FHIT: variants seen among roughly 807,000 people sequenced by gnomAD.
FHIT encodes the protein bis(5'-adenosyl)-triphosphatase.
Under a neutral mutation model 17.9 loss-of-function variants are expected in FHIT, and 19 were observed. That is an observed-to-expected ratio of 1.06 (90% CI 0.74 to 1.56). The LOEUF is 1.56. FHIT is among the 40% of genes most tolerant of loss of function. The pLI is 0.00. For synonymous variants in FHIT, 81 were observed against 69.7 expected, an observed-to-expected ratio of 1.16 and a Z score of -0.81; for missense variants, 248 against 189.2, an observed-to-expected ratio of 1.31 and a Z score of -1.82.
In FHIT at chr3:60,384,125, G is replaced by A. The variant is rs373573736; in HGVS notation, c.103+152735C>T. Among the ~76,000 whole-genome samples the A allele has an allele frequency of 7.2e-5, 11 of 152,128 alleles. 1 individual carries two copies. In the South Asian group the frequency reaches 8.3e-4, roughly 12 times the overall value. On this transcript the variant is annotated intron_variant, in intron 5 of 9. Transcript: ENST00000492590. ...GCTACTAAAATACAAAAAATTAGAC[G>A]AGTGTGGTGCTGCGTGCCTATAATC... is the stretch of plus-strand genomic sequence containing the variant.
intron 3 of FHIT, among the ~76,000 whole-genome samples, chr3:60,852,712 A>G (rs1703202867): frequency 6.6e-6 from 1 of 152,066 alleles, no homozygotes; most frequent in African/African-American, 2.4e-5. Context: ...AATGCCAAAT[A>G]TAAGGCAGTC....
chr3:60,542,915 G>A (rs1264529592), intron 4 of FHIT, among the ~76,000 whole-genome samples: 10 of 151,866 alleles, frequency 6.6e-5, no homozygotes, highest in Non-Finnish European at 1.3e-4. Context: ...ATTCCACTTG[G>A]AACTTTGTTT....
At chr3:60,945,115 T>C (rs1360627136) in intron 3 of FHIT, among the ~76,000 whole-genome samples, 4 of 151,904 alleles carry the variant, frequency 2.6e-5, no homozygotes, top group African/African-American at 9.7e-5. Context: ...GGCAAGATGA[T>C]CAAGGGAGGA....
intron 5 of FHIT, among the ~76,000 whole-genome samples, chr3:60,161,293 C>G (rs1466053503): frequency 6.6e-6 from 1 of 152,196 alleles, no homozygotes; most frequent in South Asian, 2.1e-4. Flanking sequence ...ATGGGCATCA[C>G]GAAGCTTGTA....
At chr3:60,425,041 A>G (rs1282991327) in intron 5 of FHIT, among the ~76,000 whole-genome samples, 1 of 152,126 alleles carries the variant, frequency 6.6e-6, no homozygotes, top group Non-Finnish European at 1.5e-5. Flanking sequence ...AGACACAGGT[A>G]GGCAAGTAAA....
At chr3:60,913,476 A>G (rs958123398) in intron 3 of FHIT, among the ~76,000 whole-genome samples, 7 of 152,318 alleles carry the variant, frequency 4.6e-5, no homozygotes, top group Middle Eastern at 3.4e-3. Context: ...CAGAATTATA[A>G]TAAGATCTCC....
chr3:60,071,909 T>C (rs994733522), intron 5 of FHIT, among the ~76,000 whole-genome samples: 2 of 152,166 alleles, frequency 1.3e-5, no homozygotes, highest in Admixed American at 1.3e-4. Flanking sequence ...ACAAGCCCTC[T>C]TGCCTGCCAC....
intron 8 of FHIT, among the ~76,000 whole-genome samples, chr3:59,850,205 T>A (rs1167320831): frequency 5.9e-5 from 9 of 152,202 alleles, no homozygotes; most frequent in Non-Finnish European, 1.3e-4. Context: ...ATGCTGGATT[T>A]AAAATCTAAG....
intron 4 of FHIT, among the ~76,000 whole-genome samples, chr3:60,742,828 G>C (rs1263741705): frequency 6.6e-6 from 1 of 152,178 alleles, no homozygotes; most frequent in East Asian, 1.9e-4. Flanking sequence ...AGTATACCAT[G>C]ACAATCACAA....
chr3:59,756,207 G>A (rs1036768077), intron 8 of FHIT, among the ~76,000 whole-genome samples: 5 of 147,212 alleles, frequency 3.4e-5, no homozygotes, highest in African/African-American at 5.1e-5. Flanking sequence ...TGTATCTTTT[G>A]GACCTAACTA....
chr3:60,156,439 T>C (rs565156959), intron 5 of FHIT, among the ~76,000 whole-genome samples: 2 of 151,020 alleles, frequency 1.3e-5, no homozygotes, highest in African/African-American at 4.9e-5. Context: ...GGAGATACAA[T>C]CCTAAAAAAT....
At chr3:61,171,895 A>C (rs1364287925) in intron 2 of FHIT, among the ~76,000 whole-genome samples, 2 of 152,224 alleles carry the variant, frequency 1.3e-5, no homozygotes, top group African/African-American at 4.8e-5. Context: ...GTGTGTGAAA[A>C]CATAACTACT....
chr3:60,321,822 G>C (rs1709444812), intron 5 of FHIT, among the ~76,000 whole-genome samples: 1 of 152,224 alleles, frequency 6.6e-6, no homozygotes, highest in Admixed American at 6.5e-5. Flanking sequence ...TCTGCTTTAA[G>C]ATGGCGCCTT....
intron 5 of FHIT, among the ~76,000 whole-genome samples, chr3:60,434,377 ACT>A (rs1434060627): frequency 2.0e-5 from 3 of 151,996 alleles, no homozygotes; most frequent in African/African-American, 7.2e-5. Flanking sequence ...AAAAAGTACA[ACT>A]CTGTCTTTCT....
chr3:60,882,173 C>T (rs1490262951), intron 3 of FHIT, among the ~76,000 whole-genome samples: 1 of 151,944 alleles, frequency 6.6e-6, no homozygotes, highest in Non-Finnish European at 1.5e-5. Context: ...CAAGATTGAA[C>T]CTAGAAGAAA....
In FHIT at chr3:60,534,310, G is replaced by A. The variant is rs2035897928; in HGVS notation, c.103+2550C>T. On this transcript the variant is annotated intron_variant, in intron 5 of 9. Coordinates refer to ENST00000492590, the MANE Select transcript of FHIT (RefSeq NM_002012.4). ...TAGCCGGGCGCGGTGGCGGGCGCCT[G>A]TAGTCCCAGCTACTCGGGAGGCTGA... Among the ~76,000 whole-genome samples the A allele has an allele frequency of 4.7e-5, 7 of 149,814 alleles. No homozygotes were observed. The South Asian group carries it at 1.5e-3, about 32-fold the overall frequency.
intron 4 of FHIT, among the ~76,000 whole-genome samples, chr3:60,645,095 T>C (rs1231951924): frequency 1.3e-5 from 2 of 152,130 alleles, no homozygotes; most frequent in Non-Finnish European, 2.9e-5. Flanking sequence ...CCCCAGGTCA[T>C]CTAGGCATCT....
chr3:61,210,970 T>C (rs2039447560), intron 1 of FHIT, among the ~76,000 whole-genome samples: 6 of 151,944 alleles, frequency 3.9e-5, no homozygotes, highest in Admixed American at 3.3e-4. Context: ...TTTATTGACA[T>C]ATAACAAATT....
At chr3:61,032,452 A>G (rs2033054477) in intron 3 of FHIT, among the ~76,000 whole-genome samples, 2 of 152,314 alleles carry the variant, frequency 1.3e-5, no homozygotes, top group South Asian at 4.1e-4. Context: ...CTGAAGCCAG[A>G]GCACCTAAGA....
Sources: gnomAD v4.1 joint callset for allele counts (sites outside exome capture counted in the v4.1 genomes callset) on GRCh38, gnomAD v4.1.1 for gene constraint, MANE v1.5 for transcripts, NCBI Gene and HGNC (gene_info 2026-07-23, HGNC 2026-07-21) for gene names.